CADM2: variants seen among roughly 807,000 people sequenced by gnomAD.
CADM2 encodes the protein cell adhesion molecule 2.
In CADM2, 12 loss-of-function variants were observed where a neutral mutation model predicts 49.8. The ratio of observed to expected loss-of-function variants is 0.24; its 90% CI spans 0.15 to 0.39. The LOEUF (loss-of-function observed/expected upper bound fraction) is 0.39, where lower values mean the gene tolerates loss of function less well. Among genes scored for constraint, CADM2 ranks in the 10% least tolerant of loss-of-function variants. CADM2 has a pLI of 1.00. For synonymous variants in CADM2, 214 were observed against 175.4 expected (o/e 1.22, Z -1.74); for missense variants, 378 against 492.3 (o/e 0.77, Z 2.20).
rs578181864 is a variant in CADM2, at chr3:85,614,099, A to G, written c.62-112423A>G. On this transcript the variant is annotated intron_variant, in intron 1 of 9. Transcript: ENST00000383699. ...TGAAAACAATTAAAATATAAAGATA[A>G]TAATACACAGACAATAAAAAGATTA... Among the ~76,000 whole-genome samples the G allele has an allele frequency of 3.1e-3, 477 of 151,822 alleles. 3 individuals carry two copies. The highest frequency in any genetic ancestry group is 5.3e-3 in the Non-Finnish European group (357 of 67,730).
chr3:85,360,487 G>C (rs948671620), intron 1 of CADM2, among the ~76,000 whole-genome samples: 1 of 152,068 alleles, frequency 6.6e-6, no homozygotes, highest in African/African-American at 2.4e-5. Context: ...TCTAATTGCT[G>C]GTTGGTCATT....
chr3:85,454,364 T>C (rs1016104774), intron 1 of CADM2, among the ~76,000 whole-genome samples: 1 of 151,620 alleles, frequency 6.6e-6, no homozygotes, highest in Non-Finnish European at 1.5e-5. Flanking sequence ...ATGCAAGCAA[T>C]ATAATTAATC....
At chr3:85,887,265 T>G (rs1713800922) in intron 5 of CADM2, among the ~76,000 whole-genome samples, 1 of 152,098 alleles carries the variant, frequency 6.6e-6, no homozygotes, top group Non-Finnish European at 1.5e-5. Flanking sequence ...TTGTTTTATT[T>G]TTTGTAGAGA....
intron 1 of CADM2, among the ~76,000 whole-genome samples, chr3:85,211,192 C>T (rs182508749): frequency 1.1e-3 from 164 of 152,088 alleles, no homozygotes; most frequent in African/African-American, 3.5e-3. Flanking sequence ...TCTCTCTCTT[C>T]TTAGCCTGGC....
intron 1 of CADM2, among the ~76,000 whole-genome samples, chr3:85,387,715 G>A (rs528753247): frequency 2.0e-5 from 3 of 151,992 alleles, no homozygotes; most frequent in Non-Finnish European, 4.4e-5. Context: ...AATATATGTA[G>A]TATTATTTAG....
chr3:85,548,115 A>G (rs1440132216), intron 1 of CADM2, among the ~76,000 whole-genome samples: 1 of 135,406 alleles, frequency 7.4e-6, no homozygotes, highest in Non-Finnish European at 1.7e-5. Flanking sequence ...TACTTTCTCT[A>G]TTTATGAAAT....
chr3:86,045,430 T>C (rs892156802), intron 8 of CADM2, among the ~76,000 whole-genome samples: 11 of 152,242 alleles, frequency 7.2e-5, no homozygotes, highest in African/African-American at 2.4e-4. Context: ...ACATTGGTTC[T>C]GTTCCACTTC....
chr3:85,943,624 C>T (rs2108562514), intron 7 of CADM2, among the ~76,000 whole-genome samples: 1 of 152,104 alleles, frequency 6.6e-6, no homozygotes, highest in East Asian at 1.9e-4. Context: ...AAGCTGGAGG[C>T]ATCACGCTAC....
chr3:85,327,554 C>CCACACACA (rs71108276), intron 1 of CADM2, among the ~76,000 whole-genome samples: 30,832 of 136,662 alleles, frequency 0.23, 3,714 homozygotes, highest in Non-Finnish European at 0.28. Flanking sequence ...CCATGCCCGG[C>CCACACACA]CACACACACA....
Position 85,501,389 on chromosome 3 carries a change from C to T in CADM2, c.62-225133C>T, listed in dbSNP as rs185410892. Among the ~76,000 whole-genome samples the T allele has an allele frequency of 1.9e-3, 290 of 152,214 alleles. 2 individuals are homozygous for T. Among genetic ancestry groups the T allele is most frequent in the African/African-American group, 5.4e-3 (223 of 41,538 alleles). ...GAGTAAACCATTTTCACCTATGCTT[C>T]CATCCTTTGTTAAGTTAGGAAAAAT... On this transcript the variant is annotated intron_variant, in intron 1 of 9. Transcript: ENST00000383699.
At chr3:86,062,929 T>C (rs1738858862) in intron 8 of CADM2, among the ~76,000 whole-genome samples, 1 of 152,122 alleles carries the variant, frequency 6.6e-6, no homozygotes, top group African/African-American at 2.4e-5. Context: ...GGTATTTTTA[T>C]CGGCTGAGCC....
rs950280218 is a variant in CADM2, at chr3:85,439,234, A to G, written c.62-287288A>G. ...AATGGAGCAATTTGAACTCACCGCA[A>G]CCTCCACCTCCCAGGTTCATGCGAT... On this transcript the variant is annotated intron_variant, in intron 1 of 9. Transcript: ENST00000383699. Among the ~76,000 whole-genome samples, 3 of 150,210 alleles carry G rather than the reference A, an allele frequency of 2.0e-5. 1 individual carries two copies. The South Asian group carries it at 6.3e-4, about 32-fold the overall frequency.
At chr3:85,908,943 C>G (rs1168792997) in intron 5 of CADM2, among the ~76,000 whole-genome samples, 1 of 152,046 alleles carries the variant, frequency 6.6e-6, no homozygotes, top group African/African-American at 2.4e-5. Context: ...CCAGGATGGT[C>G]TCGATATCCT....
intron 1 of CADM2, among the ~76,000 whole-genome samples, chr3:85,181,919 AAAG>A (rs1196580032): frequency 2.0e-4 from 30 of 149,486 alleles, no homozygotes; most frequent in African/African-American, 2.4e-4. Context: ...GATATGACTA[AAAG>A]AAGAATTGAA....
chr3:85,446,524 T>C (rs2037457640), intron 1 of CADM2, among the ~76,000 whole-genome samples: 1 of 152,032 alleles, frequency 6.6e-6, no homozygotes, highest in African/African-American at 2.4e-5. Flanking sequence ...GTTTGAAAAA[T>C]AATTAGCATT....
At chr3:85,691,456 T>C (rs1196876431) in intron 1 of CADM2, among the ~76,000 whole-genome samples, 1 of 152,186 alleles carries the variant, frequency 6.6e-6, no homozygotes, top group Non-Finnish European at 1.5e-5. Context: ...CTTGTTCCAT[T>C]TATGCAGAAC....
chr3:85,376,181 G>A (rs1401034635), intron 1 of CADM2, among the ~76,000 whole-genome samples: 1 of 141,036 alleles, frequency 7.1e-6, no homozygotes, highest in Non-Finnish European at 1.5e-5. Flanking sequence ...AAGGCAAACT[G>A]TGTTTTGTCA....
At chr3:85,724,202 A>G (rs958350633) in intron 1 of CADM2, among the ~76,000 whole-genome samples, 13 of 152,046 alleles carry the variant, frequency 8.6e-5, no homozygotes, top group African/African-American at 3.1e-4. Context: ...GTTGTTTGAA[A>G]TAGTAGATTC....
chr3:85,900,321 G>T (rs923857849), intron 5 of CADM2, among the ~76,000 whole-genome samples: 2 of 151,972 alleles, frequency 1.3e-5, no homozygotes, highest in African/African-American at 4.8e-5. Flanking sequence ...CTTGTTTAAG[G>T]TTTATGAGAA....
Sources: gnomAD v4.1 joint callset for allele counts (sites outside exome capture counted in the v4.1 genomes callset) on GRCh38, gnomAD v4.1.1 for gene constraint, MANE v1.5 for transcripts, NCBI Gene and HGNC (gene_info 2026-07-23, HGNC 2026-07-21) for gene names.